Variants in IL1RAPL1 observed in about 807,000 individuals in gnomAD.
The protein encoded by IL1RAPL1 is interleukin 1 receptor accessory protein like 1, also known as interleukin-1 receptor accessory protein-like 1.
IL1RAPL1 carries 3 observed loss-of-function variants against 48.4 expected under a neutral mutation model. The observed-to-expected ratio is 0.06, with a 90% CI of 0.03 to 0.16. The LOEUF is 0.16. IL1RAPL1 is among the 10% of genes least tolerant of loss of function. The pLI is 1.00. For missense variants in IL1RAPL1, 349 were observed against 530.6 expected, an observed-to-expected ratio of 0.66 and a Z score of 3.36; for synonymous variants, 185 against 187.7, an observed-to-expected ratio of 0.99 and a Z score of 0.12.
chrX:29,433,425 C>T (rs1283673511), intron 5 of IL1RAPL1, among the ~76,000 whole-genome samples: 3 of 111,023 alleles, frequency 2.7e-5, no homozygotes, highest in African/African-American at 3.3e-5. Context: ...ATTCTTCCTT[C>T]GATTTTTATA....
At chrX:29,887,595 C>T (rs1263787293) in intron 6 of IL1RAPL1, among the ~76,000 whole-genome samples, 3 of 111,934 alleles carry the variant, frequency 2.7e-5, no homozygotes, top group African/African-American at 9.7e-5. Context: ...GATGAGGTGT[C>T]ACAGTATTTT....
At chrX:28,689,190 G>A (rs1052902135) in intron 1 of IL1RAPL1, among the ~76,000 whole-genome samples, 1 of 110,836 alleles carries the variant, frequency 9.0e-6, no homozygotes, top group African/African-American at 3.3e-5. Context: ...GTTATGGTTT[G>A]GCTGTGTCCC....
At chrX:29,469,692 G>C (rs374562376) in intron 5 of IL1RAPL1, among the ~76,000 whole-genome samples, 38 of 111,580 alleles carry the variant, frequency 3.4e-4, no homozygotes, top group Admixed American at 1.6e-3. Flanking sequence ...ACCAAGAGTT[G>C]TTATGGGGCT....
intron 2 of IL1RAPL1, among the ~76,000 whole-genome samples, chrX:29,180,034 T>TG (rs1491491850): frequency 1.3e-5 from 1 of 74,484 alleles, no homozygotes; most frequent in Non-Finnish European, 3.0e-5. Context: ...TTGAAGGAAA[T>TG]GAAAAAAAAA....
intron 2 of IL1RAPL1, among the ~76,000 whole-genome samples, chrX:28,884,394 T>G (rs1156753917): frequency 9.0e-6 from 1 of 111,396 alleles, no homozygotes; most frequent in Non-Finnish European, 1.9e-5. Flanking sequence ...CTTTGGAAAC[T>G]TTATACTTGG....
Position 29,168,555 on chromosome X carries a change from G to GTATATATA in IL1RAPL1, c.83-114374_83-114367dup, listed in dbSNP as rs751368369. Among the ~76,000 whole-genome samples, 61 of 52,479 alleles carry GTATATATA rather than the reference G, an allele frequency of 1.2e-3. 2 individuals are homozygous for GTATATATA. The highest frequency in any genetic ancestry group is 2.0e-3 in the African/African-American group (34 of 17,401). 45.6% of individuals were successfully genotyped at this position (52,479 alleles called of 115,157 possible). On this transcript the variant is annotated intron_variant, in intron 2 of 10. Coordinates refer to ENST00000378993, the MANE Select transcript of IL1RAPL1 (RefSeq NM_014271.4). Reference sequence around the variant, plus strand: ...TTTTATGGCTGAATAGTATTCAATTGTATATATATATATATACACACACAA... The same window carrying GTATATATA: ...TTTTATGGCTGAATAGTATTCAATTGTATATATATATATATATATATATACACACACAA...
intron 5 of IL1RAPL1, among the ~76,000 whole-genome samples, chrX:29,406,303 G>A (rs1418791095): frequency 9.1e-6 from 1 of 110,261 alleles, no homozygotes; most frequent in Non-Finnish European, 1.9e-5. Context: ...GCAGGAGAAT[G>A]GCGTGAACCT....
At chrX:29,042,069 C>A (rs1341468524) in intron 2 of IL1RAPL1, among the ~76,000 whole-genome samples, 1 of 111,644 alleles carries the variant, frequency 9.0e-6, no homozygotes, top group Non-Finnish European at 1.9e-5. Context: ...TCTCCTTCTT[C>A]CCCCAAAAGA....
chrX:28,774,095 T>C (rs769816142), intron 1 of IL1RAPL1, among the ~76,000 whole-genome samples: 11 of 111,841 alleles, frequency 9.8e-5, no homozygotes, highest in Non-Finnish European at 1.7e-4. Context: ...TACTGATTCT[T>C]TTTTTCGATT....
intron 5 of IL1RAPL1, among the ~76,000 whole-genome samples, chrX:29,466,344 G>A (rs1350551725): frequency 8.9e-6 from 1 of 111,815 alleles, no homozygotes; most frequent in Non-Finnish European, 1.9e-5. Context: ...GGTCTCATCT[G>A]TAGCATCCCT....
intron 5 of IL1RAPL1, among the ~76,000 whole-genome samples, chrX:29,583,294 G>A (rs1215402693): frequency 6.3e-5 from 3 of 47,879 alleles, no homozygotes; most frequent in East Asian, 1.3e-3. Flanking sequence ...GTTTGCAGAC[G>A]ACATGATTGT....
At position 28,700,878 on chromosome X, in the gene IL1RAPL1, T is replaced by C. The variant is rs765761882; in HGVS notation, c.-24-88442T>C. Among the ~76,000 whole-genome samples, 5 of 111,782 alleles carry C rather than the reference T, an allele frequency of 4.5e-5. No individual in the cohort carries two copies. The East Asian group carries it at 1.4e-3, about 31-fold the overall frequency. On this transcript the variant is annotated intron_variant, in intron 1 of 10. Transcript: ENST00000378993. The stretch of plus-strand genomic sequence containing the variant: ...TTCATCCATGTCCCTGCAAAGGACA[T>C]GAACTCATTCTTTTTTATGGCTACA...
chrX:29,502,245 TA>T (rs770077018), intron 5 of IL1RAPL1, among the ~76,000 whole-genome samples: 16 of 111,530 alleles, frequency 1.4e-4, no homozygotes, highest in African/African-American at 5.2e-4. Flanking sequence ...TTTCTAAGTA[TA>T]AGATCATATT....
intron 2 of IL1RAPL1, among the ~76,000 whole-genome samples, chrX:29,180,866 C>T (rs1361192111): frequency 9.0e-6 from 1 of 111,402 alleles, no homozygotes; most frequent in Non-Finnish European, 1.9e-5. Context: ...GTATCTTTAT[C>T]TGTATGTACA....
chrX:29,761,568 AT>A (rs745800088), intron 6 of IL1RAPL1, among the ~76,000 whole-genome samples: 1 of 112,014 alleles, frequency 8.9e-6, no homozygotes, highest in South Asian at 3.7e-4. Context: ...ATTGCTTCTC[AT>A]TTGTGAAATA....
chrX:28,820,349 T>C (rs1475560970), intron 2 of IL1RAPL1, among the ~76,000 whole-genome samples: 1 of 110,132 alleles, frequency 9.1e-6, no homozygotes, highest in Non-Finnish European at 1.9e-5. Flanking sequence ...AGGAAACTGA[T>C]GTCTGTGACG....
chrX:28,913,152 T>C (rs1199731345), intron 2 of IL1RAPL1, among the ~76,000 whole-genome samples: 1 of 111,457 alleles, frequency 9.0e-6, no homozygotes, highest in Admixed American at 9.6e-5. Flanking sequence ...GACTTAATAA[T>C]TGAAGATTGA....
At chrX:29,882,674 A>AGAC (rs1433873690) in intron 6 of IL1RAPL1, among the ~76,000 whole-genome samples, 1 of 112,140 alleles carries the variant, frequency 8.9e-6, no homozygotes, top group Non-Finnish European at 1.9e-5. Flanking sequence ...ACAGGCAGGA[A>AGAC]GACTGATTTA....
intron 6 of IL1RAPL1, among the ~76,000 whole-genome samples, chrX:29,862,696 T>C (rs1373810305): frequency 3.6e-5 from 4 of 111,140 alleles, no homozygotes; most frequent in Non-Finnish European, 5.6e-5. Flanking sequence ...TTGCATCTTA[T>C]TGGAAATACA....
Sources: gnomAD v4.1 joint callset for allele counts (sites outside exome capture counted in the v4.1 genomes callset) on GRCh38, gnomAD v4.1.1 for gene constraint, MANE v1.5 for transcripts, NCBI Gene and HGNC (gene_info 2026-07-23, HGNC 2026-07-21) for gene names.